The following MAPKBP1 variants were observed in gnomAD, a reference collection of about 807,000 sequenced individuals.
MAPKBP1 encodes the protein mitogen-activated protein kinase-binding protein 1.
In MAPKBP1, 71 loss-of-function variants were observed where a neutral mutation model predicts 170.5. The ratio of observed to expected loss-of-function variants is 0.42; its 90% CI spans 0.34 to 0.51. The LOEUF (loss-of-function observed/expected upper bound fraction) is 0.51, where lower values mean the gene tolerates loss of function less well. Ranked by LOEUF, MAPKBP1 falls within the 20% of genes least tolerant of loss-of-function variation. The pLI, the probability that MAPKBP1 is intolerant of heterozygous loss-of-function variation, is 0.06. For missense variants in MAPKBP1, 1,598 were observed against 1,933.0 expected (o/e 0.83, Z 3.25); for synonymous variants, 719 against 757.9 (o/e 0.95, Z 0.84).
At chr15:41,815,498 T>C in intron 11 of MAPKBP1, 93 bp downstream of exon 11, 1 of 1,563,852 alleles carries the variant, frequency 6.4e-7, no homozygotes, top group Non-Finnish European at 8.7e-7. Flanking sequence ...TCCCTAGGCC[T>C]TGGCCTTCCA....
At chr15:41,813,864 A>T (rs2152079444) in intron 9 of MAPKBP1, 83 bp downstream of exon 9, 1 of 1,443,180 alleles carries the variant, frequency 6.9e-7, no homozygotes, top group East Asian at 2.4e-5. Flanking sequence ...GGAGCAGGTG[A>T]AGAGTGTATT....
At chr15:41,796,697 C>T (rs1456844972) in intron 2 of MAPKBP1, among the ~76,000 whole-genome samples, 1 of 152,166 alleles carries the variant, frequency 6.6e-6, no homozygotes, top group East Asian at 1.9e-4. Context: ...AGGCAAACTC[C>T]TGCCTGTGGG....
At chr15:41,784,880 G>A (rs1419090027) in intron 2 of MAPKBP1, among the ~76,000 whole-genome samples, 8 of 122,894 alleles carry the variant, frequency 6.5e-5, no homozygotes, top group African/African-American at 1.5e-4. Context: ...GCAACATGGC[G>A]AAACCCTATC....
Position 41,815,336 on chromosome 15 carries a change from C to T in MAPKBP1, c.1248C>T (p.Thr416=), listed in dbSNP as rs1168206724. The T allele has an allele frequency of 6.2e-7, 1 of 1,614,184 alleles. No homozygotes were observed. The highest frequency in any genetic ancestry group is 1.3e-5 in the African/African-American group (1 of 75,040). ...SSFITCSSDN[T]IRLWNTESSG... is the part of the protein sequence containing the mutation. The stretch of plus-strand genomic sequence containing the variant: ...TTATTACCTGCTCCTCAGACAACAC[C>T]ATCCGCCTGTGGAACACAGAGAGCT... The change falls in exon 11 of 31, where the codon ACC becomes ACT. Residue 416 remains threonine, a synonymous_variant. Coordinates refer to ENST00000457542, the MANE Select transcript of MAPKBP1 (RefSeq NM_014994.3).
Position 41,784,636 on chromosome 15 carries a change from G to A in MAPKBP1, c.114+9247G>A, listed in dbSNP as rs566848037. ...GTCTCTACTAAAAGTACAAAAATTA[G>A]CTGGGCGTGGTGGCGCACACCTGTA... is the stretch of plus-strand genomic sequence containing the variant. On this transcript the variant is annotated intron_variant, in intron 2 of 30. Coordinates refer to ENST00000457542, the MANE Select transcript of MAPKBP1 (RefSeq NM_014994.3). Among the ~76,000 whole-genome samples the A allele has an allele frequency of 3.3e-5, 5 of 152,078 alleles. No individual in the cohort carries two copies. The East Asian group carries it at 9.7e-4, about 29-fold the overall frequency.
At chr15:41,810,013 T>C (rs1485689654) in intron 3 of MAPKBP1, among the ~76,000 whole-genome samples, 33 of 152,370 alleles carry the variant, frequency 2.2e-4, no homozygotes, top group Non-Finnish European at 1.0e-4. Context: ...TGAGCCTCTC[T>C]GCTGTGTGGC....
chr15:41,824,606 C>A (rs779123400), intron 30 of MAPKBP1, 37 bp downstream of exon 30: 2 of 1,538,944 alleles, frequency 1.3e-6, no homozygotes, highest in South Asian at 2.4e-5. Context: ...AAGGCGGGCA[C>A]GTCAGTAGTG....
intron 23 of MAPKBP1, chr15:41,821,337 G>C: frequency 1.6e-6 from 1 of 608,094 alleles, no homozygotes; most frequent in Non-Finnish European, 2.9e-6. Context: ...AGTGGTAGCT[G>C]GAGGTTGGCA....
At chr15:41,798,441 C>G (rs576664226) in intron 2 of MAPKBP1, among the ~76,000 whole-genome samples, 6 of 151,444 alleles carry the variant, frequency 4.0e-5, no homozygotes, top group African/African-American at 1.5e-4. Context: ...AACCACCATG[C>G]CTGGCTAATT....
chr15:41,808,092 T>C (rs1344612827), intron 3 of MAPKBP1, among the ~76,000 whole-genome samples: 1 of 130,474 alleles, frequency 7.7e-6, no homozygotes, highest in Non-Finnish European at 1.6e-5. Context: ...CTTATAATTT[T>C]CTTTCTTTCT....
intron 2 of MAPKBP1, among the ~76,000 whole-genome samples, chr15:41,792,139 G>A (rs76879182): frequency 5.9e-4 from 89 of 149,986 alleles, no homozygotes; most frequent in Non-Finnish European, 1.0e-3. Context: ...TTGCCTCTAC[G>A]CCACCTGTTT....
At chr15:41,774,891 AC>A in intron 1 of MAPKBP1, 1 of 441,690 alleles carries the variant, frequency 2.3e-6, no homozygotes, top group African/African-American at 2.0e-5. Context: ...TTGGGCATTA[AC>A]GGGAACCAGA....
At chr15:41,806,744 G>C (rs1245925308) in intron 3 of MAPKBP1, among the ~76,000 whole-genome samples, 2 of 152,236 alleles carry the variant, frequency 1.3e-5, no homozygotes, top group Non-Finnish European at 2.9e-5. Context: ...AGCCAGCACT[G>C]AGCAAGGGCT....
At position 41,814,810 on chromosome 15, in the gene MAPKBP1, G is replaced by T. The variant is rs1409047358; in HGVS notation, c.1170+71G>T. On this transcript the variant is annotated intron_variant, in intron 10 of 30. Coordinates refer to ENST00000457542, the MANE Select transcript of MAPKBP1 (RefSeq NM_014994.3). ...GATACCATTTTGAGGACAGAAAATA[G>T]GGATCCCCAAGTATAATCTTAGATT... The T allele has an allele frequency of 3.2e-6, 5 of 1,545,622 alleles. No individual in the cohort carries two copies. The East Asian group carries it at 1.1e-4, about 35-fold the overall frequency.
chr15:41,825,568 TC>T lies in MAPKBP1; in HGVS notation c.*135del. The T allele has an allele frequency of 1.4e-6, 1 of 694,258 alleles. No homozygotes were observed. The highest frequency in any genetic ancestry group is 2.3e-6 in the Non-Finnish European group (1 of 430,494). The allele number at this position is 694,258 out of a possible 1,614,324, so 43.0% of individuals were successfully genotyped here. A position where few individuals can be genotyped will look rare whatever the true frequency, so the allele number is the denominator to read the frequency against. ...GCAGTGTTCAGAGGCAAAGCAGCCT[TC>T]CCAGCCGCTCCTCGTGGGGGGCCTG... is the stretch of plus-strand genomic sequence containing the variant. On this transcript the variant is annotated 3_prime_UTR_variant, in exon 31 of 31. Coordinates refer to ENST00000457542, the MANE Select transcript of MAPKBP1 (RefSeq NM_014994.3).
chr15:41,797,719 T>C (rs112353553), intron 2 of MAPKBP1, among the ~76,000 whole-genome samples: 2 of 152,164 alleles, frequency 1.3e-5, no homozygotes, highest in East Asian at 1.9e-4. Context: ...ATTGGCAAGT[T>C]TGGTGCTTGC....
chr15:41,823,428 AC>A lies in MAPKBP1; in HGVS notation c.3599-17del. 1.2e-6 allele frequency: 2 copies of A among 1,601,848 alleles called. No individual in the cohort carries two copies. Among genetic ancestry groups the A allele is most frequent in the Non-Finnish European group, 1.7e-6 (2 of 1,173,018 alleles). ...CTTCCTCAACACCTGACCTGTGTAT[AC>A]CTCTGTCTCCTTTGCAGAAAGACAT... On this transcript the variant is annotated intron_variant, in intron 28 of 30. Coordinates refer to ENST00000457542, the MANE Select transcript of MAPKBP1 (RefSeq NM_014994.3).
chr15:41,816,577 C>T lies in MAPKBP1; in HGVS notation c.1512C>T (p.Ser504=). 6.2e-7 allele frequency: 1 copy of T among 1,613,990 alleles called. No homozygotes were observed. The highest frequency in any genetic ancestry group is 8.5e-7 in the Non-Finnish European group (1 of 1,179,944). Residue 504 remains serine (S), a synonymous_variant, in exon 13 of 31, where the codon TCC becomes TCT. Transcript: ENST00000457542. ...TTTGCAGGGTGCACGAACTTCAGTC[C>T]CTGAGTGAGATGCTGAAGGTGGAGG... ...MGTLRVHELQ[S]LSEMLKVEAH...
In MAPKBP1 at chr15:41,822,014, C is replaced by A. The variant is rs1407656755; in HGVS notation, c.2935C>A (p.Pro979Thr). The change falls in exon 25 of 31, where the codon CCA becomes ACA. Residue 979 changes from proline (P) to threonine (T), a missense_variant. Transcript: ENST00000457542. Reference sequence around the variant, plus strand: ...CCGGGGAACTCTGGGAAGAGTGTACCCAGGCAGCAGGAGCTCAGAAAAGCA... The same window carrying A: ...CCGGGGAACTCTGGGAAGAGTGTACACAGGCAGCAGGAGCTCAGAAAAGCA... ...PARGTLGRVY[P>T]GSRSSEKHSP... 6 of 1,610,356 alleles carry A rather than the reference C, an allele frequency of 3.7e-6. No homozygotes were observed. The South Asian group carries it at 6.7e-5, about 18-fold the overall frequency.
Sources: gnomAD v4.1 joint callset for allele counts (sites outside exome capture counted in the v4.1 genomes callset) on GRCh38, gnomAD v4.1.1 for gene constraint, MANE v1.5 for transcripts, NCBI Gene and HGNC (gene_info 2026-07-23, HGNC 2026-07-21) for gene names.